The following TTLL5 variants were observed in gnomAD, a reference collection of about 807,000 sequenced individuals.
The protein encoded by TTLL5 is tubulin polyglutamylase TTLL5.
In TTLL5, 132 loss-of-function variants were observed where a neutral mutation model predicts 168.4. The observed-to-expected ratio is 0.78, with a 90% CI of 0.68 to 0.91. The LOEUF (loss-of-function observed/expected upper bound fraction) is 0.91. TTLL5 is among the 40% of genes least tolerant of loss of function. The pLI is 0.00. For synonymous variants in TTLL5, 546 were observed against 558.6 expected, an observed-to-expected ratio of 0.98 and a Z score of 0.32; for missense variants, 1,545 against 1,581.5, an observed-to-expected ratio of 0.98 and a Z score of 0.39.
chr14:75,764,802 C>G (rs560308131), intron 19 of TTLL5, 30 bp downstream of exon 19: 3 of 1,612,980 alleles, frequency 1.9e-6, no homozygotes, highest in Non-Finnish European at 2.5e-6. Context: ...CACCAAACTC[C>G]CTTATCTGGA....
chr14:75,936,821 G>C (rs898086424), intron 31 of TTLL5, among the ~76,000 whole-genome samples: 1 of 152,194 alleles, frequency 6.6e-6, no homozygotes, highest in African/African-American at 2.4e-5. Flanking sequence ...TGGAATAGAA[G>C]AAGTGGGGAG....
At chr14:75,764,861 A>C (rs1373323940) in intron 19 of TTLL5, 89 bp downstream of exon 19, 10 of 1,465,592 alleles carry the variant, frequency 6.8e-6, no homozygotes, top group Non-Finnish European at 8.4e-6. Context: ...TTCATGAGTC[A>C]GAATCTTCCT....
chr14:75,914,033 A>AAATATATATATATATATAT, intron 31 of TTLL5, among the ~76,000 whole-genome samples: 2 of 71,102 alleles, frequency 2.8e-5, no homozygotes, highest in African/African-American at 3.1e-4. Context: ...AAAAAAAAAA[A>AAATATATATATATATATAT]ATATATATAT....
At chr14:75,948,550 T>C (rs2140213942) in intron 31 of TTLL5, among the ~76,000 whole-genome samples, 1 of 151,990 alleles carries the variant, frequency 6.6e-6, no homozygotes, top group Non-Finnish European at 1.5e-5. Context: ...GTAGGTAAAG[T>C]AATACCTAAA....
At chr14:75,723,812 A>C (rs573893000) in intron 12 of TTLL5, among the ~76,000 whole-genome samples, 1 of 152,098 alleles carries the variant, frequency 6.6e-6, no homozygotes, top group Non-Finnish European at 1.5e-5. Flanking sequence ...AACTGAGTGC[A>C]TCTGGAGTTT....
rs1315478787 is a variant in TTLL5 at position 75,776,969 on chromosome 14, G to T, written c.2387+119G>T. The T allele has an allele frequency of 7.2e-5, 56 of 778,494 alleles. No homozygotes were observed. In the East Asian group the frequency reaches 1.4e-3, roughly 20 times the overall value. 48.2% of individuals were successfully genotyped at this position (778,494 alleles called of 1,614,324 possible). Reference sequence around the variant, plus strand: ...TGTGAATGAAATCACTCTTAAAGCCGGGCACAGTGGCACACCCCTTTAGTT... The same window carrying T: ...TGTGAATGAAATCACTCTTAAAGCCTGGCACAGTGGCACACCCCTTTAGTT... On this transcript the variant is annotated intron_variant, in intron 23 of 31. Transcript: ENST00000298832.
rs1401843556 is a variant in TTLL5 at position 75,882,763 on chromosome 14, G to A, written c.3601G>A (p.Ala1201Thr). Residue 1201 changes from alanine to threonine, a missense_variant, in exon 30 of 32, where the codon GCC becomes ACC. Coordinates refer to ENST00000298832, the MANE Select transcript of TTLL5 (RefSeq NM_015072.5). ...TGGTGCAGGTTGTAGAATTTCCAGTGCCACAGCTAGTGGCCAGAAGCCAAC... is the reference window on the plus strand; with the variant it reads ...TGGTGCAGGTTGTAGAATTTCCAGTACCACAGCTAGTGGCCAGAAGCCAAC... ...NNGAGCRISS[A>T]TASGQKPTTL... 6.2e-7 allele frequency: 1 copy of A among 1,613,760 alleles called. No homozygotes were observed. Among genetic ancestry groups the A allele is most frequent in the South Asian group, 1.1e-5 (1 of 91,068 alleles).
At chr14:75,799,787 A>G (rs1893184353) in intron 27 of TTLL5, among the ~76,000 whole-genome samples, 1 of 152,244 alleles carries the variant, frequency 6.6e-6, no homozygotes, top group Non-Finnish European at 1.5e-5. Flanking sequence ...GAGGCTAAAC[A>G]TAGGACCCCA....
At chr14:75,924,726 C>A (rs1472885030) in intron 31 of TTLL5, among the ~76,000 whole-genome samples, 2 of 152,036 alleles carry the variant, frequency 1.3e-5, no homozygotes, top group Non-Finnish European at 2.9e-5. Flanking sequence ...TCAATCTTTT[C>A]CCCATCCTTC....
chr14:75,677,231 C>T lies in TTLL5; in HGVS notation c.182-4314C>T, dbSNP rs1884234192. ...TTAACTGATTTAGTGCTTACAGCTACTCTATGCAGTAACTACTGTTATTAT... is the reference window on the plus strand; with the variant it reads ...TTAACTGATTTAGTGCTTACAGCTATTCTATGCAGTAACTACTGTTATTAT... On this transcript the variant is annotated intron_variant, in intron 3 of 31. Coordinates refer to ENST00000298832, the MANE Select transcript of TTLL5 (RefSeq NM_015072.5). 2.6e-5 allele frequency among the ~76,000 whole-genome samples: 4 copies of T among 152,016 alleles called. No homozygotes were observed. The South Asian group carries it at 8.3e-4, about 31-fold the overall frequency.
In TTLL5 at chr14:75,869,821, ATT is replaced by A. The variant is rs10658095; in HGVS notation, c.3522+5974_3522+5975del. Among the ~76,000 whole-genome samples, 135 of 82,416 alleles carry A rather than the reference ATT, an allele frequency of 1.6e-3. 7 individuals carry two copies. The highest frequency in any genetic ancestry group is 6.4e-3 in the African/African-American group (129 of 20,024). The allele number at this position is 82,416 out of a possible 152,430, so 54.1% of individuals were successfully genotyped here. A position where few individuals can be genotyped will look rare whatever the true frequency, so the allele number is the denominator to read the frequency against. On this transcript the variant is annotated intron_variant, in intron 29 of 31. Transcript: ENST00000298832. ...CTTGCAATGTATACATTCAACAAGT[ATT>A]TTTTTTTTTTTTTTGCGATGGAGTC...
Position 75,894,669 on chromosome 14 carries a change from A to G in TTLL5, c.3741-7473A>G, listed in dbSNP as rs1016240363. Among the ~76,000 whole-genome samples the G allele has an allele frequency of 1.3e-5, 2 of 152,226 alleles. 1 individual carries two copies. Among genetic ancestry groups the G allele is most frequent in the African/African-American group, 4.8e-5 (2 of 41,466 alleles). On this transcript the variant is annotated intron_variant, in intron 30 of 31. Transcript: ENST00000298832. ...GTTGACAAATTAAACTCTTCCATTA[A>G]AAAAGAGATGATCAAATTGCATCTT...
chr14:75,914,870 A>G (rs528055531), intron 31 of TTLL5, among the ~76,000 whole-genome samples: 31 of 151,954 alleles, frequency 2.0e-4, no homozygotes, highest in African/African-American at 5.8e-4. Flanking sequence ...TGATCCGCCC[A>G]CCTTGGCCTC....
intron 27 of TTLL5, among the ~76,000 whole-genome samples, chr14:75,804,143 C>G (rs1893511029): frequency 6.6e-6 from 1 of 152,104 alleles, no homozygotes; most frequent in South Asian, 2.1e-4. Context: ...GGAGGAGATA[C>G]TTTTTGCTCT....
chr14:75,904,373 G>A (rs944813188), intron 31 of TTLL5: 1 of 530,892 alleles, frequency 1.9e-6, no homozygotes, highest in Non-Finnish European at 2.4e-6. Flanking sequence ...GAACCCCTTT[G>A]GCTCTTCAAG....
chr14:75,838,078 T>G (rs1895971548), intron 28 of TTLL5: 1 of 152,222 alleles, frequency 6.6e-6, no homozygotes, highest in Admixed American at 6.5e-5. Flanking sequence ...ATTGTGTTTT[T>G]TTAAATTAAT....
chr14:75,818,940 T>C (rs1894669254), intron 27 of TTLL5, among the ~76,000 whole-genome samples: 1 of 152,236 alleles, frequency 6.6e-6, no homozygotes, highest in Admixed American at 6.5e-5. Flanking sequence ...TATAATGTAG[T>C]GAGTAAGAAA....
intron 6 of TTLL5, among the ~76,000 whole-genome samples, chr14:75,695,017 T>A (rs1401367032): frequency 6.6e-6 from 1 of 152,208 alleles, no homozygotes; most frequent in Non-Finnish European, 1.5e-5. Flanking sequence ...ATAACAGTGA[T>A]GTTCATGGAA....
intron 9 of TTLL5, among the ~76,000 whole-genome samples, chr14:75,717,400 C>T (rs934465139): frequency 6.6e-6 from 1 of 152,232 alleles, no homozygotes; most frequent in Non-Finnish European, 1.5e-5. Flanking sequence ...GAGGCATGAG[C>T]CACCATGCCC....
Sources: gnomAD v4.1 joint callset for allele counts (sites outside exome capture counted in the v4.1 genomes callset) on GRCh38, gnomAD v4.1.1 for gene constraint, MANE v1.5 for transcripts, NCBI Gene and HGNC (gene_info 2026-07-23, HGNC 2026-07-21) for gene names.